The following IRF2BPL variants were observed in gnomAD, a reference collection of about 807,000 sequenced individuals.
IRF2BPL encodes probable E3 ubiquitin-protein ligase IRF2BPL.
A neutral mutation model predicts 51.2 loss-of-function variants in IRF2BPL; 13 were observed. That is an observed-to-expected ratio of 0.25 (90% CI 0.17 to 0.40). The LOEUF (loss-of-function observed/expected upper bound fraction) is 0.40. IRF2BPL is among the 10% of genes least tolerant of loss of function. The probability of loss-of-function intolerance (pLI) is 1.00; values close to 1 mark genes in which losing one functional copy is unlikely to be tolerated. For missense variants in IRF2BPL, 1,210 were observed against 1,111.8 expected, an observed-to-expected ratio of 1.09 and a Z score of -1.26; for synonymous variants, 768 against 509.2, an observed-to-expected ratio of 1.51 and a Z score of -6.84.
chr14:77,027,515 G>T lies in IRF2BPL; in HGVS notation c.278C>A (p.Ala93Glu). Residue 93 changes from alanine to glutamate, a missense_variant, in exon 1 of 1, where the codon GCA becomes GAA. By Grantham distance (107) the Ala-to-Glu change is moderately radical. Coordinates refer to ENST00000238647, the MANE Select transcript of IRF2BPL (RefSeq NM_024496.4). ...LSAKEAAAAA[A>E]AAAAAAAAAQ... Reference sequence around the variant, plus strand: ...GGCGGCGGCGGCGGCCGCCGCTGCTGCCGCCGCCGCCGCCGCTTCCTTAGC... The same window carrying T: ...GGCGGCGGCGGCGGCCGCCGCTGCTTCCGCCGCCGCCGCCGCTTCCTTAGC... 2 of 605,642 alleles carry T rather than the reference G, an allele frequency of 3.3e-6. No homozygotes were observed. Among genetic ancestry groups the T allele is most frequent in the Non-Finnish European group, 4.1e-6 (2 of 485,578 alleles). 37.5% of individuals were successfully genotyped at this position (605,642 alleles called of 1,614,324 possible).
rs1381096667 is a variant in IRF2BPL, at chr14:77,027,726, G to A, written c.67C>T (p.Pro23Ser). The change falls in exon 1 of 1, where the codon CCC becomes TCC. Residue 23 changes from proline to serine, a missense_variant. Coordinates refer to ENST00000238647, the MANE Select transcript of IRF2BPL (RefSeq NM_024496.4). ...SCYLCDLPRM[P>S]WAMIWDFSEP... ...GAGAAGTCCCAGATCATGGCCCAGG[G>A]CATGCGGGGCAGGTCGCACAGGTAG... 9 of 1,607,812 alleles carry A rather than the reference G, an allele frequency of 5.6e-6. No individual in the cohort carries two copies. Among genetic ancestry groups the A allele is most frequent in the South Asian group, 1.1e-5 (1 of 90,740 alleles).
rs1347803762 is a variant in IRF2BPL, at chr14:77,027,827, G to C, written c.-35C>G. On this transcript the variant is annotated 5_prime_UTR_variant, in exon 1 of 1. Transcript: ENST00000238647. ...CCTGGGGAAGGTAGGCCCCCGCCCGGGCTGTCTCCGCGGCGCCTTCTCCTC... is the reference window on the plus strand; with the variant it reads ...CCTGGGGAAGGTAGGCCCCCGCCCGCGCTGTCTCCGCGGCGCCTTCTCCTC... The C allele has an allele frequency of 2.7e-6, 4 of 1,474,520 alleles. No homozygotes were observed. Among genetic ancestry groups the C allele is most frequent in the Admixed American group, 2.1e-5 (1 of 47,224 alleles). 91.3% of individuals were successfully genotyped at this position (1,474,520 alleles called of 1,614,324 possible).
At position 77,025,498 on chromosome 14, in the gene IRF2BPL, G is replaced by A; in HGVS notation, c.2295C>T (p.Pro765=). The A allele has an allele frequency of 6.2e-7, 1 of 1,613,892 alleles. No homozygotes were observed. Reference sequence around the variant, plus strand: ...CCCAAGGTACATTCGACCCGACTAGGGGGCATTTCTCTCCGCTGGGGCAAT... The same window carrying A: ...CCCAAGGTACATTCGACCCGACTAGAGGGCATTTCTCTCCGCTGGGGCAAT... ...EVYCPSGEKC[P]LVGSNVPWAF... Residue 765 remains proline, a synonymous_variant, in exon 1 of 1, where the codon CCC becomes CCT. Coordinates refer to ENST00000238647, the MANE Select transcript of IRF2BPL (RefSeq NM_024496.4).
Position 77,025,665 on chromosome 14 carries a change from T to C in IRF2BPL, c.2128A>G (p.Ser710Gly), listed in dbSNP as rs1885090623. 6.4e-7 allele frequency: 1 copy of C among 1,564,596 alleles called. No homozygotes were observed. The highest frequency in any genetic ancestry group is 1.4e-5 in the African/African-American group (1 of 73,728). Reference sequence around the variant, plus strand: ...CAAATGGTGCAGCAGAGGGGTCCGCTGTTGGCCATGGGGGAATCCGGAATG... The same window carrying C: ...CAAATGGTGCAGCAGAGGGGTCCGCCGTTGGCCATGGGGGAATCCGGAATG... ...QNIPDSPMAN[S>G]GPLCCTICHE... The change falls in exon 1 of 1, where the codon AGC becomes GGC. Residue 710 changes from serine to glycine, a missense_variant. Ser to Gly is a moderately conservative substitution (Grantham distance 56, BLOSUM62 0). Coordinates refer to ENST00000238647, the MANE Select transcript of IRF2BPL (RefSeq NM_024496.4).
Position 77,026,422 on chromosome 14 carries a change from G to GAA in IRF2BPL, c.1369_1370dup (p.Lys458SerfsTer56). 1 of 1,613,410 alleles carries GAA rather than the reference G, an allele frequency of 6.2e-7. No homozygotes were observed. The highest frequency in any genetic ancestry group is 8.5e-7 in the Non-Finnish European group (1 of 1,179,992). ...GCTTCTTTTCGTACTCCAGGTACTT[G>GAA]AAACCCGAGGATAGGCCCCGGCCGA... On this transcript the variant is annotated frameshift_variant, in exon 1 of 1. Transcript: ENST00000238647. LOFTEE classifies it high-confidence loss of function.
rs1325849689 is a variant in IRF2BPL at position 77,027,667 on chromosome 14, C to G, written c.126G>C (p.Glu42Asp). The change falls in exon 1 of 1, where the codon GAG becomes GAC. Residue 42 changes from glutamate (E) to aspartate (D), a missense_variant. Glu to Asp is a conservative substitution (Grantham distance 45). Coordinates refer to ENST00000238647, the MANE Select transcript of IRF2BPL (RefSeq NM_024496.4). ...EPVCRGCVNY[E>D]GADRIEFVIE... is the part of the protein sequence containing the mutation. ...TCACGAATTCGATGCGATCAGCGCC[C>G]TCGTAGTTGACGCAACCGCGGCATA... is the stretch of plus-strand genomic sequence containing the variant. 2 of 1,611,878 alleles carry G rather than the reference C, an allele frequency of 1.2e-6. No homozygotes were observed. Among genetic ancestry groups the G allele is most frequent in the Non-Finnish European group, 1.7e-6 (2 of 1,179,494 alleles).
In IRF2BPL at chr14:77,027,730, G is replaced by A; in HGVS notation, c.63C>T (p.Arg21=). The part of the protein sequence containing the change: ...RQSCYLCDLP[R]MPWAMIWDFS... Reference sequence around the variant, plus strand: ...AGTCCCAGATCATGGCCCAGGGCATGCGGGGCAGGTCGCACAGGTAGCAAG... The same window carrying A: ...AGTCCCAGATCATGGCCCAGGGCATACGGGGCAGGTCGCACAGGTAGCAAG... Residue 21 remains arginine (R), a synonymous_variant, in exon 1 of 1, where the codon CGC becomes CGT. Coordinates refer to ENST00000238647, the MANE Select transcript of IRF2BPL (RefSeq NM_024496.4). The A allele has an allele frequency of 1.2e-6, 2 of 1,607,792 alleles. No homozygotes were observed. The highest frequency in any genetic ancestry group is 1.7e-6 in the Non-Finnish European group (2 of 1,177,440).
At position 77,026,908 on chromosome 14, in the gene IRF2BPL, G is replaced by GC; in HGVS notation, c.884dup (p.Ala297ArgfsTer34). On this transcript the variant is annotated frameshift_variant, in exon 1 of 1. Transcript: ENST00000238647. LOFTEE classifies it high-confidence loss of function. ...CCGGGGTACCCCCGAGACAAGCGGG[G>GC]CCCCCAGGAGCCCCTGGGGGAGCAG... The GC allele has an allele frequency of 6.7e-7, 1 of 1,493,208 alleles. No individual in the cohort carries two copies. 92.5% of individuals were successfully genotyped at this position (1,493,208 alleles called of 1,614,324 possible).
In IRF2BPL at chr14:77,025,684, C is replaced by T. The variant is rs775777682; in HGVS notation, c.2109G>A (p.Pro703=). The T allele has an allele frequency of 6.4e-7, 1 of 1,561,140 alleles. No homozygotes were observed. Among genetic ancestry groups the T allele is most frequent in the South Asian group, 1.2e-5 (1 of 82,500 alleles). ...GMDQVHPQNI[P]DSPMANSGPL... The stretch of plus-strand genomic sequence containing the variant: ...GTCCGCTGTTGGCCATGGGGGAATC[C>T]GGAATGTTTTGGGGGTGCACTTGGT... Residue 703 remains proline (P), a synonymous_variant, in exon 1 of 1, where the codon CCG becomes CCA. Transcript: ENST00000238647.
Position 77,026,515 on chromosome 14 carries a change from G to A in IRF2BPL, c.1278C>T (p.Gly426=), listed in dbSNP as rs572202110. Residue 426 remains glycine (G), a synonymous_variant, in exon 1 of 1, where the codon GGC becomes GGT. Transcript: ENST00000238647. Reference sequence around the variant, plus strand: ...ATGCACTGGAGTACACGTTGCCCGAGCCCGTGGGGTACTCAATGAACAGCT... The same window carrying A: ...ATGCACTGGAGTACACGTTGCCCGAACCCGTGGGGTACTCAATGAACAGCT... ...ELKLFIEYPT[G]SGNVYSSASG... The A allele has an allele frequency of 1.5e-5, 25 of 1,613,680 alleles. No individual in the cohort carries two copies. Among genetic ancestry groups the A allele is most frequent in the Non-Finnish European group, 2.0e-5 (24 of 1,180,010 alleles).
In IRF2BPL at chr14:77,025,544, T is replaced by C; in HGVS notation, c.2249A>G (p.Gln750Arg). 1 of 1,613,832 alleles carries C rather than the reference T, an allele frequency of 6.2e-7. No individual in the cohort carries two copies. The highest frequency in any genetic ancestry group is 8.5e-7 in the Non-Finnish European group (1 of 1,179,844). ...FPCSRESIKA[Q>R]GATGEVYCPS... is the part of the protein sequence containing the mutation. Reference sequence around the variant, plus strand: ...GCAATACACCTCGCCGGTGGCCCCCTGGGCCTTGATACTCTCTCTAGAGCA... The same window carrying C: ...GCAATACACCTCGCCGGTGGCCCCCCGGGCCTTGATACTCTCTCTAGAGCA... Residue 750 changes from glutamine (Q) to arginine (R), a missense_variant, in exon 1 of 1, where the codon CAG becomes CGG. Transcript: ENST00000238647.
chr14:77,026,476 C>T lies in IRF2BPL; in HGVS notation c.1317G>A (p.Lys439=), dbSNP rs1885126772. 1.2e-6 allele frequency: 2 copies of T among 1,613,564 alleles called. No homozygotes were observed. The highest frequency in any genetic ancestry group is 1.3e-5 in the African/African-American group (1 of 75,066). The part of the protein sequence containing the change: ...NVYSSASGVA[K]QMYQDCMKDF... ...CCTTCATGCAGTCCTGATACATCTG[C>T]TTGGCCACACCAGATGCACTGGAGT... The change falls in exon 1 of 1, where the codon AAG becomes AAA. Residue 439 remains lysine (K), a synonymous_variant. Transcript: ENST00000238647.
rs1885242025 is a variant in IRF2BPL at position 77,028,606 on chromosome 14, G to C, written c.-814C>G. 2.6e-6 allele frequency: 1 copy of C among 385,992 alleles called. No individual in the cohort carries two copies. Among genetic ancestry groups the C allele is most frequent in the Non-Finnish European group, 4.6e-6 (1 of 217,724 alleles). 23.9% of individuals were successfully genotyped at this position (385,992 alleles called of 1,614,324 possible). ...CTCGGCCCGGGTCGCATCCCTTCCC[G>C]CTCGTGCTCACGCTCGCCCGGAATG... On this transcript the variant is annotated 5_prime_UTR_variant, in exon 1 of 1. Transcript: ENST00000238647.
chr14:77,026,366 T>TCTCCAAGCAGGC lies in IRF2BPL; in HGVS notation c.1415_1426dup (p.Gly475_Asp476insGlyLeuLeuGly). On this transcript the variant is annotated inframe_insertion, in exon 1 of 1. Transcript: ENST00000238647. ...GAAGCGCACGGCTTCGGGGAGCAGG[T>TCTCCAAGCAGGC]CTCCAAGCAGGCGCCAGTCCCCGGA... 6.2e-7 allele frequency: 1 copy of TCTCCAAGCAGGC among 1,611,326 alleles called. No individual in the cohort carries two copies. Among genetic ancestry groups the TCTCCAAGCAGGC allele is most frequent in the Non-Finnish European group, 8.5e-7 (1 of 1,179,224 alleles).
chr14:77,026,668 G>A lies in IRF2BPL; in HGVS notation c.1125C>T (p.Val375=), dbSNP rs748495762. The change falls in exon 1 of 1, where the codon GTC becomes GTT. Residue 375 remains valine, a synonymous_variant. Coordinates refer to ENST00000238647, the MANE Select transcript of IRF2BPL (RefSeq NM_024496.4). ...AEEWASKPKM[V]RDTLLTLAGC... is the part of the protein sequence containing the mutation. ...CTGCCAGCGTGAGCAGCGTGTCGCG[G>A]ACCATCTTGGGCTTGCTGGCCCACT... The A allele has an allele frequency of 2.2e-5, 36 of 1,613,360 alleles. No homozygotes were observed. Among genetic ancestry groups the A allele is most frequent in the South Asian group, 5.5e-5 (5 of 91,044 alleles).
Position 77,027,313 on chromosome 14 carries a change from G to A in IRF2BPL, c.480C>T (p.Ala160=), listed in dbSNP as rs751397655. ...GLSAAAAAAA[A]AAAAVEQRSR... ...TGCGCTGTTCCACCGCAGCGGCGGC[G>A]GCGGCGGCGGCGGCGGCGGCAGCGC... The change falls in exon 1 of 1, where the codon GCC becomes GCT. Residue 160 remains alanine (A), a synonymous_variant. Transcript: ENST00000238647. 3 of 1,518,022 alleles carry A rather than the reference G, an allele frequency of 2.0e-6. No individual in the cohort carries two copies. Among genetic ancestry groups the A allele is most frequent in the South Asian group, 2.4e-5 (2 of 82,738 alleles). 94.0% of individuals were successfully genotyped at this position (1,518,022 alleles called of 1,614,324 possible). A position where few individuals can be genotyped will look rare whatever the true frequency, so the allele number is the denominator to read the frequency against.
At position 77,025,706 on chromosome 14, in the gene IRF2BPL, T is replaced by C; in HGVS notation, c.2087A>G (p.Gln696Arg). The C allele has an allele frequency of 6.4e-7, 1 of 1,566,090 alleles. No homozygotes were observed. The highest frequency in any genetic ancestry group is 8.7e-7 in the Non-Finnish European group (1 of 1,154,370). ...PPPSAHPGMD[Q>R]VHPQNIPDSP... ...ATCCGGAATGTTTTGGGGGTGCACT[T>C]GGTCCATGCCCGGGTGGGCGCTAGG... The change falls in exon 1 of 1, where the codon CAA becomes CGA. Residue 696 changes from glutamine (Q) to arginine (R), a missense_variant. Gln to Arg is a conservative substitution (Grantham distance 43, BLOSUM62 1). Transcript: ENST00000238647.
Position 77,026,551 on chromosome 14 carries a change from G to A in IRF2BPL, c.1242C>T (p.Asp414=). 2 of 1,613,858 alleles carry A rather than the reference G, an allele frequency of 1.2e-6. No individual in the cohort carries two copies. Among genetic ancestry groups the A allele is most frequent in the Non-Finnish European group, 8.5e-7 (1 of 1,180,030 alleles). The change falls in exon 1 of 1, where the codon GAC becomes GAT. Residue 414 remains aspartate (D), a synonymous_variant. Coordinates refer to ENST00000238647, the MANE Select transcript of IRF2BPL (RefSeq NM_024496.4). ...AFDAVSKPGM[D]YELKLFIEYP... is the part of the protein sequence containing the mutation. The stretch of plus-strand genomic sequence containing the variant: ...ACTCAATGAACAGCTTCAATTCGTA[G>A]TCCATGCCGGGCTTGGAGACGGCGT...
rs1339487780 is a variant in IRF2BPL, at chr14:77,027,362, G to A, written c.431C>T (p.Ser144Phe). The stretch of plus-strand genomic sequence containing the variant: ...GCTTAGGCCGTAGCGCTCCAGGCCA[G>A]ACGGGGCCGCCAGCACCGCAGGCTT... ...SSKPAVLAAP[S>F]GLERYGLSAA... The change falls in exon 1 of 1, where the codon TCT becomes TTT. Residue 144 changes from serine (S) to phenylalanine (F), a missense_variant. Transcript: ENST00000238647. 5 of 1,514,296 alleles carry A rather than the reference G, an allele frequency of 3.3e-6. No individual in the cohort carries two copies. The highest frequency in any genetic ancestry group is 3.5e-6 in the Non-Finnish European group (4 of 1,134,848). 93.8% of individuals were successfully genotyped at this position (1,514,296 alleles called of 1,614,324 possible). A position where few individuals can be genotyped will look rare whatever the true frequency, so the allele number is the denominator to read the frequency against.
Sources: allele counts gnomAD v4.1 joint callset, GRCh38; gene constraint gnomAD v4.1.1; transcripts MANE v1.5; gene names NCBI Gene and HGNC (gene_info 2026-07-23, HGNC 2026-07-21).